NUDT5: variants seen among roughly 807,000 people sequenced by gnomAD.
NUDT5 encodes the protein ADP-sugar pyrophosphatase.
NUDT5 carries 21 observed loss-of-function variants against 34.1 expected under a neutral mutation model. That is an observed-to-expected ratio of 0.62 (90% CI 0.44 to 0.89). NUDT5 has a LOEUF of 0.89. NUDT5 is among the 40% of genes least tolerant of loss of function. The pLI is 0.00. For missense variants in NUDT5, 249 were observed against 274.8 expected (o/e 0.91, Z 0.66); for synonymous variants, 85 against 97.6 (o/e 0.87, Z 0.76).
In NUDT5 at chr10:12,169,203, G is replaced by A; in HGVS notation, c.551-1392C>T. ...TTACCCCTCCTCCTTTATAGCCATAGTAGCCCTCTCTCCACCTCCCCTCAC... is the reference window on the plus strand; with the variant it reads ...TTACCCCTCCTCCTTTATAGCCATAATAGCCCTCTCTCCACCTCCCCTCAC... On this transcript the variant is annotated intron_variant, in intron 9 of 9. Transcript: ENST00000491614. This position sits in a 1 kb window ranked among gnomAD's most constrained non-coding sequence, Gnocchi z 4.8. 1.7e-6 allele frequency: 2 copies of A among 1,202,640 alleles called. No homozygotes were observed. The allele number at this position is 1,202,640 out of a possible 1,614,324, so 74.5% of individuals were successfully genotyped here.
rs902177179 is a variant in NUDT5, at chr10:12,165,403, T to C, written c.*2299A>G. ...TTGGAAAAAATAAAGAAATCTGATA[T>C]TAAACGTTTTCTAAGATCATTTGTA... On this transcript the variant is annotated 3_prime_UTR_variant, in exon 10 of 10. Coordinates refer to ENST00000491614, the MANE Select transcript of NUDT5 (RefSeq NM_014142.4). The C allele has an allele frequency of 7.4e-6, 7 of 950,298 alleles. No homozygotes were observed. Among genetic ancestry groups the C allele is most frequent in the African/African-American group, 3.5e-5 (2 of 56,472 alleles). The allele number at this position is 950,298 out of a possible 1,614,324, so 58.9% of individuals were successfully genotyped here. A position where few individuals can be genotyped will look rare whatever the true frequency, so the allele number is the denominator to read the frequency against.
rs199832214 is a variant in NUDT5, at chr10:12,172,865, C to T, written c.387G>A (p.Ala129=). Residue 129 remains alanine (A), a splice_region_variant and synonymous_variant, in exon 7 of 10, where the codon GCG becomes GCA. Coordinates refer to ENST00000491614, the MANE Select transcript of NUDT5 (RefSeq NM_014142.4). ...TTGACAAGCCTGGGTCCATACAGAC[C>T]GCTGTGGAGAGAAGGGACAGTCAGA... ...YKGDIAECSP[A]VCMDPGLSNC... The T allele has an allele frequency of 4.3e-5, 69 of 1,610,118 alleles. No homozygotes were observed. The highest frequency in any genetic ancestry group is 7.7e-5 in the South Asian group (7 of 90,918).
In NUDT5 at chr10:12,187,892, C is replaced by G. The variant is rs1835155556; in HGVS notation, c.-41-1560G>C. ...GTTACTTGGACCAGGCACAGTGGCT[C>G]ACACCTGGAATCCTAGCCCTTTGGG... On this transcript the variant is annotated intron_variant, in intron 1 of 9. Coordinates refer to ENST00000491614, the MANE Select transcript of NUDT5 (RefSeq NM_014142.4). This position sits in a 1 kb window ranked among gnomAD's most constrained non-coding sequence, Gnocchi z 5.4. Among the ~76,000 whole-genome samples the G allele has an allele frequency of 2.6e-5, 4 of 152,130 alleles. No homozygotes were observed. The highest frequency in any genetic ancestry group is 2.6e-4 in the Admixed American group (4 of 15,272).
rs140276427 is a variant in NUDT5, at chr10:12,186,943, G to A, written c.-41-611C>T. Among the ~76,000 whole-genome samples, 47 of 152,014 alleles carry A rather than the reference G, an allele frequency of 3.1e-4. No homozygotes were observed. The East Asian group carries it at 8.7e-3, about 28-fold the overall frequency. ...CGCCCAGCCTGATTTTTCTGACTCC[G>A]AATCTTAAACTCTTTCCAAGGGAAG... On this transcript the variant is annotated intron_variant, in intron 1 of 9. Transcript: ENST00000491614.
chr10:12,183,158 T>C (rs1479462250), intron 3 of NUDT5, among the ~76,000 whole-genome samples: 1 of 152,266 alleles, frequency 6.6e-6, no homozygotes, highest in Admixed American at 6.5e-5. Flanking sequence ...CTCTATAGTT[T>C]CACAAATATA....
chr10:12,183,657 ATTTTC>A (rs1835079828), intron 3 of NUDT5, among the ~76,000 whole-genome samples: 1 of 152,326 alleles, frequency 6.6e-6, no homozygotes, highest in Middle Eastern at 3.4e-3. Context: ...TTTTCATAGT[ATTTTC>A]TTCTTATAGT....
At position 12,187,279 on chromosome 10, in the gene NUDT5, C is replaced by G. The variant is rs536908042; in HGVS notation, c.-41-947G>C. Among the ~76,000 whole-genome samples the G allele has an allele frequency of 6.6e-6, 1 of 151,522 alleles. No individual in the cohort carries two copies. Among genetic ancestry groups the G allele is most frequent in the African/African-American group, 2.4e-5 (1 of 41,238 alleles). Reference sequence around the variant, plus strand: ...AGACTCCCGGGCTCAAGCGATCCTCCTCCCGCCTCGGTGTCCCAAAGTGCT... The same window carrying G: ...AGACTCCCGGGCTCAAGCGATCCTCGTCCCGCCTCGGTGTCCCAAAGTGCT... On this transcript the variant is annotated intron_variant, in intron 1 of 9. Coordinates refer to ENST00000491614, the MANE Select transcript of NUDT5 (RefSeq NM_014142.4). The surrounding 1 kb of genome is among the most constrained non-coding windows in gnomAD (Gnocchi z 5.4).
intron 6 of NUDT5, 40 bp from the exon 7 acceptor site, chr10:12,172,906 G>A: frequency 2.8e-6 from 4 of 1,429,554 alleles, no homozygotes; most frequent in Non-Finnish European, 3.9e-6. Context: ...CAGTCCCTTT[G>A]GCATTTGTTT....
chr10:12,193,486 A>G (rs547867722), intron 1 of NUDT5, among the ~76,000 whole-genome samples: 1 of 152,354 alleles, frequency 6.6e-6, no homozygotes, highest in African/African-American at 2.4e-5. Flanking sequence ...ATGCAGGAGA[A>G]AAAGCAAATA....
intron 7 of NUDT5, among the ~76,000 whole-genome samples, chr10:12,172,311 C>T (rs1046026471): frequency 3.2e-4 from 49 of 151,854 alleles, no homozygotes; most frequent in African/African-American, 1.0e-3. Context: ...GACATGGTCT[C>T]ATTCTGTCAC....
At chr10:12,174,108 C>T (rs918596419) in intron 5 of NUDT5, among the ~76,000 whole-genome samples, 1 of 152,030 alleles carries the variant, frequency 6.6e-6, no homozygotes, top group African/African-American at 2.4e-5. Context: ...TCTCATGATC[C>T]ACCCACGTCA....
At position 12,172,800 on chromosome 10, in the gene NUDT5, T is replaced by C. The variant is rs1192683993; in HGVS notation, c.452A>G (p.Asp151Gly). ...IHIVTVTING[D>G]DAENARPKPK... ...CTTCGGCCTTGCGTTTTCGGCATCA[T>C]CTCCGTTAATGGTGACTGTCACGAT... The change falls in exon 7 of 10, where the codon GAT (aspartate) becomes GGT (glycine). Residue 151 changes from aspartate (D) to glycine (G), a missense_variant. By Grantham distance (94) the Asp-to-Gly change is moderately conservative (BLOSUM62 -1). Coordinates refer to ENST00000491614, the MANE Select transcript of NUDT5 (RefSeq NM_014142.4). 6.2e-7 allele frequency: 1 copy of C among 1,614,204 alleles called. No individual in the cohort carries two copies. Among genetic ancestry groups the C allele is most frequent in the Non-Finnish European group, 8.5e-7 (1 of 1,180,034 alleles).
intron 1 of NUDT5, among the ~76,000 whole-genome samples, chr10:12,191,960 C>T (rs538952232): frequency 3.9e-5 from 6 of 152,120 alleles, no homozygotes; most frequent in Non-Finnish European, 5.9e-5. Context: ...ACCCGAATCC[C>T]GGCCATCTGC....
At chr10:12,183,496 T>C (rs185843995) in intron 3 of NUDT5, among the ~76,000 whole-genome samples, 1 of 152,358 alleles carries the variant, frequency 6.6e-6, no homozygotes, top group Non-Finnish European at 1.5e-5. Flanking sequence ...ATCTTGACGA[T>C]CTATTTCATC....
In NUDT5 at chr10:12,189,113, C is replaced by CT. The variant is rs35364431; in HGVS notation, c.-41-2782dup. ...CATAGATGATAATTTATTAGGTAAA[C>CT]TTTTTTTTTTGAGATGGAGTTTCGC... On this transcript the variant is annotated intron_variant, in intron 1 of 9. Coordinates refer to ENST00000491614, the MANE Select transcript of NUDT5 (RefSeq NM_014142.4). Among the ~76,000 whole-genome samples the CT allele has an allele frequency of 3.8e-3, 565 of 150,136 alleles. 2 individuals are homozygous for CT. Among genetic ancestry groups the CT allele is most frequent in the Non-Finnish European group, 5.4e-3 (362 of 67,310 alleles).
rs1306800224 is a variant in NUDT5, at chr10:12,173,556, C to T, written c.385+162G>A. ...CCCCAACTTCAGGCCCTTCTGGCTC[C>T]AGTTTCCTCCTGGGAGGGGAGATTC... On this transcript the variant is annotated intron_variant, in intron 6 of 9. Coordinates refer to ENST00000491614, the MANE Select transcript of NUDT5 (RefSeq NM_014142.4). The surrounding 1 kb of genome is among the most constrained non-coding windows in gnomAD (Gnocchi z 4.7). Among the ~76,000 whole-genome samples the T allele has an allele frequency of 6.6e-6, 1 of 152,188 alleles. No individual in the cohort carries two copies. Among genetic ancestry groups the T allele is most frequent in the African/African-American group, 2.4e-5 (1 of 41,448 alleles).
intron 1 of NUDT5, among the ~76,000 whole-genome samples, chr10:12,195,531 T>TA (rs1835322182): frequency 6.6e-6 from 1 of 152,230 alleles, no homozygotes; most frequent in African/African-American, 2.4e-5. Flanking sequence ...ACACTGGAAC[T>TA]AACACTTAGC....
rs923693168 is a variant in NUDT5, at chr10:12,165,934, T to A, written c.*1768A>T. 4 of 151,928 alleles carry A rather than the reference T, an allele frequency of 2.6e-5. No individual in the cohort carries two copies. Among genetic ancestry groups the A allele is most frequent in the African/African-American group, 9.7e-5 (4 of 41,314 alleles). 9.4% of individuals were successfully genotyped at this position (151,928 alleles called of 1,614,324 possible). On this transcript the variant is annotated 3_prime_UTR_variant, in exon 10 of 10. Transcript: ENST00000491614. ...CCGATTTTTTTTTCCCTTAAGAAGG[T>A]GGAAATATGGCTTTTAATACATAGG... is the stretch of plus-strand genomic sequence containing the variant.
Position 12,171,409 on chromosome 10 carries a change from A to G in NUDT5, c.488-501T>C, listed in dbSNP as rs1834850936. ...ATACGTAGAATCAGAGTATTTGCCC[A>G]TCATGTTATCGCATGTTTCAGCGTG... On this transcript the variant is annotated intron_variant, in intron 7 of 9. Coordinates refer to ENST00000491614, the MANE Select transcript of NUDT5 (RefSeq NM_014142.4). The surrounding 1 kb of genome is among the most constrained non-coding windows in gnomAD (Gnocchi z 4.2). Among the ~76,000 whole-genome samples the G allele has an allele frequency of 6.6e-6, 1 of 152,212 alleles. No homozygotes were observed. The highest frequency in any genetic ancestry group is 6.5e-5 in the Admixed American group (1 of 15,278).
Sources: gnomAD v4.1 joint callset for allele counts (sites outside exome capture counted in the v4.1 genomes callset) on GRCh38, gnomAD v4.1.1 for gene constraint, Gnocchi (gnomAD v3.1) non-coding constraint, MANE v1.5 for transcripts, NCBI Gene and HGNC (gene_info 2026-07-23, HGNC 2026-07-21) for gene names.